CXCR2: variants seen among roughly 807,000 people sequenced by gnomAD.
CXCR2 encodes C-X-C chemokine receptor type 2.
In CXCR2, 2 loss-of-function variants were observed where a neutral mutation model predicts 3.7. The ratio of observed to expected loss-of-function variants is 0.55; its 90% CI spans 0.22 to 1.72. CXCR2 has a LOEUF of 1.72. Ranked by LOEUF, CXCR2 falls within the 40% of genes most tolerant of loss-of-function variation. The probability of loss-of-function intolerance (pLI) is 0.19; values close to 1 mark genes in which losing one functional copy is unlikely to be tolerated. For synonymous variants in CXCR2, 203 were observed against 193.3 expected, an observed-to-expected ratio of 1.05 and a Z score of -0.41; for missense variants, 351 against 450.1, an observed-to-expected ratio of 0.78 and a Z score of 1.99.
chr2:218,130,979 C>G (rs1690631038), intron 2 of CXCR2: 1 of 152,362 alleles, frequency 6.6e-6, no homozygotes, highest in Non-Finnish European at 1.5e-5. Context: ...ACCCCCAGCA[C>G]AGCTGAGCAC....
At chr2:218,132,997 AAT>A (rs1690686730) in intron 2 of CXCR2, among the ~76,000 whole-genome samples, 1 of 152,184 alleles carries the variant, frequency 6.6e-6, no homozygotes, top group Non-Finnish European at 1.5e-5. Flanking sequence ...TCCCACCTGC[AAT>A]GTGGGAGAGT....
At chr2:218,126,401 A>G (rs1008167166) in intron 1 of CXCR2, 48 bp downstream of exon 1, 1 of 152,378 alleles carries the variant, frequency 6.6e-6, no homozygotes. Context: ...TTTCTAATGG[A>G]AGAGATCTGG....
At chr2:218,128,755 G>A (rs956337745) in intron 1 of CXCR2, among the ~76,000 whole-genome samples, 1 of 152,126 alleles carries the variant, frequency 6.6e-6, no homozygotes, top group Admixed American at 6.5e-5. Context: ...ATGGACTTGT[G>A]GTCAGAGCAG....
chr2:218,133,749 G>A (rs774611558), intron 2 of CXCR2, among the ~76,000 whole-genome samples: 1 of 152,226 alleles, frequency 6.6e-6, no homozygotes, highest in Non-Finnish European at 1.5e-5. Context: ...CACACATGCA[G>A]GACAGGAAGG....
intron 2 of CXCR2, among the ~76,000 whole-genome samples, chr2:218,133,198 A>C (rs1051548513): frequency 6.6e-6 from 1 of 151,722 alleles, no homozygotes; most frequent in Non-Finnish European, 1.5e-5. Context: ...CCTTACTCTA[A>C]GGCAATGGCC....
chr2:218,125,588 T>G (rs576376935), upstream of CXCR2: 3,760 of 152,184 alleles, frequency 0.025, 56 homozygotes, highest in South Asian at 0.049. Flanking sequence ...TTTTGTTTTT[T>G]TTTTTAATGG....
In CXCR2 at chr2:218,135,760, A is replaced by C. The variant is rs1231014487; in HGVS notation, c.959A>C (p.Lys320Thr). 1.2e-6 allele frequency: 2 copies of C among 1,613,946 alleles called. No homozygotes were observed. Among genetic ancestry groups the C allele is most frequent in the Admixed American group, 1.7e-5 (1 of 59,974 alleles). Residue 320 changes from lysine to threonine, a missense_variant, in exon 3 of 3, where the codon AAG (lysine) becomes ACG (threonine). By Grantham distance (78) the Lys-to-Thr change is moderately conservative. Transcript: ENST00000318507. The surrounding 1 kb of genome is among the most constrained non-coding windows in gnomAD (Gnocchi z 4.0). ...NPLIYAFIGQ[K>T]FRHGLLKILA... ...CTCATCTACGCCTTCATTGGCCAGA[A>C]GTTTCGCCATGGACTCCTCAAGATT...
chr2:218,131,824 T>C (rs1690655054), intron 2 of CXCR2, among the ~76,000 whole-genome samples: 1 of 151,466 alleles, frequency 6.6e-6, no homozygotes, highest in Non-Finnish European at 1.5e-5. Flanking sequence ...TCTCCATCAG[T>C]TGCCTCGGCA....
upstream of CXCR2, chr2:218,125,440 G>C (rs1574534456): frequency 6.6e-6 from 1 of 151,876 alleles, no homozygotes; most frequent in Non-Finnish European, 1.5e-5. Context: ...CAGCTTTCCT[G>C]TTCAGTTCCT....
chr2:218,129,942 C>T (rs1015643713), intron 2 of CXCR2, among the ~76,000 whole-genome samples: 3 of 152,110 alleles, frequency 2.0e-5, no homozygotes, highest in Non-Finnish European at 4.4e-5. Flanking sequence ...AGGAAGCTCC[C>T]TTTTTATCCT....
At chr2:218,132,344 C>T (rs1384671054) in intron 2 of CXCR2, among the ~76,000 whole-genome samples, 1 of 152,220 alleles carries the variant, frequency 6.6e-6, no homozygotes, top group Non-Finnish European at 1.5e-5. Context: ...TATATGGAAT[C>T]ACACAATAAG....
At chr2:218,127,694 A>G (rs531099381) in intron 1 of CXCR2, among the ~76,000 whole-genome samples, 2 of 152,324 alleles carry the variant, frequency 1.3e-5, no homozygotes, top group South Asian at 4.1e-4. Flanking sequence ...CTGAAAACCT[A>G]GTTCAGCTGT....
chr2:218,132,090 G>C (rs769313961), intron 2 of CXCR2, among the ~76,000 whole-genome samples: 1 of 151,944 alleles, frequency 6.6e-6, no homozygotes, highest in African/African-American at 2.4e-5. Context: ...TTGCAAGGCC[G>C]TGTACCCTTT....
At chr2:218,130,993 A>T (rs992505414) in intron 2 of CXCR2, 1 of 152,224 alleles carries the variant, frequency 6.6e-6, no homozygotes, top group Non-Finnish European at 1.5e-5. Context: ...TGAGCACTGG[A>T]TTATCCACAG....
Position 218,135,971 on chromosome 2 carries a change from G to A in CXCR2, c.*87G>A, listed in dbSNP as rs1690791855. 2.0e-6 allele frequency: 3 copies of A among 1,495,156 alleles called. No homozygotes were observed. Among genetic ancestry groups the A allele is most frequent in the South Asian group, 1.4e-5 (1 of 74,010 alleles). 92.6% of individuals were successfully genotyped at this position (1,495,156 alleles called of 1,614,324 possible). Reference sequence around the variant, plus strand: ...GCCTCATGTCCACTGGTTCTTCTTGGTCTCAGTGTCAATGCAGCCCCCATT... The same window carrying A: ...GCCTCATGTCCACTGGTTCTTCTTGATCTCAGTGTCAATGCAGCCCCCATT... On this transcript the variant is annotated 3_prime_UTR_variant, in exon 3 of 3. Coordinates refer to ENST00000318507, the MANE Select transcript of CXCR2 (RefSeq NM_001557.4). This position sits in a 1 kb window ranked among gnomAD's most constrained non-coding sequence, Gnocchi z 4.0.
Position 218,126,207 on chromosome 2 carries a change from A to C in CXCR2, c.-224A>C, listed in dbSNP as rs1690504250. The C allele has an allele frequency of 6.6e-6, 1 of 152,326 alleles. No individual in the cohort carries two copies. The highest frequency in any genetic ancestry group is 1.5e-5 in the Non-Finnish European group (1 of 68,060). The allele number at this position is 152,326 out of a possible 1,614,324, so 9.4% of individuals were successfully genotyped here. ...TCCTCTGTGGGAATACCTCCCCAGG[A>C]GGGCATCCTGGATTTCCCCCTTGCA... On this transcript the variant is annotated 5_prime_UTR_variant, in exon 1 of 3. Transcript: ENST00000318507.
chr2:218,125,622 A>G (rs1337860050), upstream of CXCR2: 3 of 151,804 alleles, frequency 2.0e-5, no homozygotes, highest in Admixed American at 6.6e-5. Flanking sequence ...AGTAACCCAG[A>G]GGTCATTGGG....
At chr2:218,131,112 G>A (rs972976993) in intron 2 of CXCR2, 2 of 152,250 alleles carry the variant, frequency 1.3e-5, no homozygotes, top group Non-Finnish European at 2.9e-5. Flanking sequence ...ATACATACAA[G>A]GCCCTGCTCT....
At chr2:218,131,759 A>G (rs942669339) in intron 2 of CXCR2, among the ~76,000 whole-genome samples, 14 of 151,464 alleles carry the variant, frequency 9.2e-5, no homozygotes, top group South Asian at 2.1e-4. Context: ...GCCCGGCCCA[A>G]ATGTTAACTT....
Sources: gnomAD v4.1 joint callset for allele counts (sites outside exome capture counted in the v4.1 genomes callset) on GRCh38, gnomAD v4.1.1 for gene constraint, Gnocchi (gnomAD v3.1) non-coding constraint, MANE v1.5 for transcripts, NCBI Gene and HGNC (gene_info 2026-07-23, HGNC 2026-07-21) for gene names.